The following MGST1 variants were observed in gnomAD, a reference collection of about 807,000 sequenced individuals.
MGST1 encodes the protein glutathione S-transferase 12.
A neutral mutation model predicts 8.9 loss-of-function variants in MGST1; 5 were observed. That is an observed-to-expected ratio of 0.56 (90% CI 0.29 to 1.19). MGST1 has a LOEUF of 1.19. Among genes scored for constraint, MGST1 ranks in the 50% most tolerant of loss-of-function variants. The pLI, the probability that MGST1 is intolerant of heterozygous loss-of-function variation, is 0.08. For synonymous variants in MGST1, 54 were observed against 67.8 expected, an observed-to-expected ratio of 0.80 and a Z score of 1.00; for missense variants, 182 against 187.4, an observed-to-expected ratio of 0.97 and a Z score of 0.17.
chr12:16,425,342 G>A (rs926678289), intron 1 of MGST1, among the ~76,000 whole-genome samples: 9 of 152,182 alleles, frequency 5.9e-5, no homozygotes, highest in Admixed American at 2.0e-4. Flanking sequence ...GAGTGCAATG[G>A]CATGATCTCG....
downstream of MGST1, among the ~76,000 whole-genome samples, chr12:16,368,462 G>A (rs145155870): frequency 1.4e-4 from 22 of 152,234 alleles, no homozygotes; most frequent in East Asian, 3.3e-3. Flanking sequence ...TCATCTCCCC[G>A]CTGCCAGCCT....
rs565193787 is a variant in MGST1 at position 16,401,885 on chromosome 12, C to T, written n.778+18281C>T. 1.9e-6 allele frequency: 3 copies of T among 1,602,162 alleles called. No homozygotes were observed. The African/African-American group carries it at 4.0e-5, about 21-fold the overall frequency. ...CAGCTGCTTTCTTCATTAATTTGAG[C>T]TCCCCATCCTCCCTTACAGCGACTG... On this transcript the variant is annotated intron_variant and non_coding_transcript_variant, in intron 1 of 1. Coordinates refer to the MGST1 transcript ENST00000359720. The surrounding 1 kb of genome is among the most constrained non-coding windows in gnomAD (Gnocchi z 4.3).
rs1284983023 is a variant in MGST1 at position 16,497,223 on chromosome 12, A to G, written n.483-92305A>G. ...GTCTTGAAATCAGATCCCACTGTTC[A>G]CACGCTTTTCCTTTGTTTAACCAAA... is the stretch of plus-strand genomic sequence containing the variant. On this transcript the variant is annotated intron_variant and non_coding_transcript_variant, in intron 4 of 4. Coordinates refer to the MGST1 transcript ENST00000538857. This position sits in a 1 kb window ranked among gnomAD's most constrained non-coding sequence, Gnocchi z 4.4. Among the ~76,000 whole-genome samples the G allele has an allele frequency of 6.6e-6, 1 of 152,166 alleles. No homozygotes were observed. The highest frequency in any genetic ancestry group is 2.4e-5 in the African/African-American group (1 of 41,450).
chr12:16,418,891 T>C (rs1940808615), intron 1 of MGST1, among the ~76,000 whole-genome samples: 1 of 152,104 alleles, frequency 6.6e-6, no homozygotes, highest in Admixed American at 6.6e-5. Context: ...ATTTCAAGGA[T>C]CAGTAAAAAA....
At chr12:16,391,968 C>A (rs2137053022) in intron 1 of MGST1, among the ~76,000 whole-genome samples, 1 of 152,272 alleles carries the variant, frequency 6.6e-6, no homozygotes, top group Non-Finnish European at 1.5e-5. Context: ...ATATGGATAG[C>A]CAGTTATCTT....
At chr12:16,442,866 A>G (rs1236115935), downstream of MGST1, among the ~76,000 whole-genome samples, 1 of 151,770 alleles carries the variant, frequency 6.6e-6, no homozygotes, top group Admixed American at 6.6e-5. This position sits in a 1 kb window ranked among gnomAD's most constrained non-coding sequence, Gnocchi z 4.5. Context: ...TGTTTTATAT[A>G]CATCAATTAA....
downstream of MGST1, among the ~76,000 whole-genome samples, chr12:16,439,587 C>T (rs1455980310): frequency 6.6e-6 from 1 of 151,788 alleles, no homozygotes; most frequent in East Asian, 1.9e-4. Flanking sequence ...ACTCCTGTCA[C>T]TTATAGTGGC....
intron 4 of MGST1, among the ~76,000 whole-genome samples, chr12:16,542,680 T>A (rs1941799774): frequency 6.6e-6 from 1 of 152,182 alleles, no homozygotes; most frequent in South Asian, 2.1e-4. Context: ...GATGCTTAAC[T>A]CTTTCTTTGG....
intron 1 of MGST1, among the ~76,000 whole-genome samples, chr12:16,404,226 T>A (rs968436534): frequency 6.6e-6 from 1 of 152,222 alleles, no homozygotes; most frequent in Admixed American, 6.5e-5. Flanking sequence ...AGCTTTATAG[T>A]CTATCTTGTA....
intron 4 of MGST1, among the ~76,000 whole-genome samples, chr12:16,588,822 A>G (rs976205797): frequency 6.6e-6 from 1 of 151,962 alleles, no homozygotes; most frequent in African/African-American, 2.4e-5. Context: ...CCTCTTCTTC[A>G]ATCTTCTCCT....
chr12:16,560,571 ACT>A lies in MGST1; in HGVS notation n.483-28954_483-28953del. The A allele has an allele frequency of 1.3e-6, 2 of 1,586,106 alleles. No homozygotes were observed. Among genetic ancestry groups the A allele is most frequent in the East Asian group, 2.2e-5 (1 of 44,552 alleles). ...AAGAAACATTTTTTTTTTTTTACAA[ACT>A]CTTACAGAGAAATCTGAGATCGTGA... On this transcript the variant is annotated intron_variant and non_coding_transcript_variant, in intron 4 of 4. Coordinates refer to the MGST1 transcript ENST00000538857. This position sits in a 1 kb window ranked among gnomAD's most constrained non-coding sequence, Gnocchi z 5.0.
At chr12:16,478,299 A>T (rs1037114171) in intron 4 of MGST1, among the ~76,000 whole-genome samples, 6 of 152,150 alleles carry the variant, frequency 3.9e-5, no homozygotes, top group Non-Finnish European at 7.3e-5. Flanking sequence ...AAGTGTTGGG[A>T]TTACAGGCGT....
rs1942313839 is a variant in MGST1, at chr12:16,559,563, A to AATTG, written n.483-29964_483-29961dup. On this transcript the variant is annotated intron_variant and non_coding_transcript_variant, in intron 4 of 4. Transcript: ENST00000538857. The surrounding 1 kb of genome is among the most constrained non-coding windows in gnomAD (Gnocchi z 4.1). The stretch of plus-strand genomic sequence containing the variant: ...TCAAATGCTCCTCTCCAATGATAAT[A>AATTG]ATTGTTTAATTATTAGCTATATCTG... Among the ~76,000 whole-genome samples, 1 of 152,180 alleles carries AATTG rather than the reference A, an allele frequency of 6.6e-6. No individual in the cohort carries two copies. The highest frequency in any genetic ancestry group is 1.5e-5 in the Non-Finnish European group (1 of 68,034).
chr12:16,559,375 T>G lies in MGST1; in HGVS notation n.483-30153T>G, dbSNP rs1172198662. Among the ~76,000 whole-genome samples, 2 of 152,196 alleles carry G rather than the reference T, an allele frequency of 1.3e-5. No individual in the cohort carries two copies. Among genetic ancestry groups the G allele is most frequent in the Non-Finnish European group, 1.5e-5 (1 of 68,032 alleles). On this transcript the variant is annotated intron_variant and non_coding_transcript_variant, in intron 4 of 4. Transcript: ENST00000538857. This position sits in a 1 kb window ranked among gnomAD's most constrained non-coding sequence, Gnocchi z 4.1. Reference sequence around the variant, plus strand: ...GAATTAAGTGATAATACTTTTCAGCTGAAAGAATTCTCTGAGATGAACTAA... The same window carrying G: ...GAATTAAGTGATAATACTTTTCAGCGGAAAGAATTCTCTGAGATGAACTAA...
chr12:16,537,485 T>G lies in MGST1; in HGVS notation n.483-52043T>G, dbSNP rs1369570393. On this transcript the variant is annotated intron_variant and non_coding_transcript_variant, in intron 4 of 4. Coordinates refer to the MGST1 transcript ENST00000538857. This position sits in a 1 kb window ranked among gnomAD's most constrained non-coding sequence, Gnocchi z 4.6. Reference sequence around the variant, plus strand: ...CTAGGAGGTGCCCCAGTATGGACTCTGTGTGGGGGCACCAACCCCACATTT... The same window carrying G: ...CTAGGAGGTGCCCCAGTATGGACTCGGTGTGGGGGCACCAACCCCACATTT... Among the ~76,000 whole-genome samples the G allele has an allele frequency of 6.6e-6, 1 of 152,222 alleles. No homozygotes were observed. Among genetic ancestry groups the G allele is most frequent in the Non-Finnish European group, 1.5e-5 (1 of 68,036 alleles).
At chr12:16,472,433 G>GT (rs766108157) in intron 4 of MGST1, among the ~76,000 whole-genome samples, 5,717 of 129,684 alleles carry the variant, frequency 0.044, 109 homozygotes, top group Middle Eastern at 0.082. Flanking sequence ...CCTTCCTTCT[G>GT]TTTTTTTTTT....
chr12:16,372,299 C>A (rs1940306804), intron 3 of MGST1, among the ~76,000 whole-genome samples: 1 of 151,934 alleles, frequency 6.6e-6, no homozygotes, highest in Non-Finnish European at 1.5e-5. Flanking sequence ...AGATTAATAA[C>A]AAGAACATAT....
chr12:16,556,393 C>T (rs976637676), intron 4 of MGST1, among the ~76,000 whole-genome samples: 7 of 152,082 alleles, frequency 4.6e-5, no homozygotes, highest in African/African-American at 7.3e-5. Flanking sequence ...TAGCTATACG[C>T]CTCTAAAAGG....
Position 16,362,141 on chromosome 12 carries a change from G to A in MGST1, c.222-1654G>A, listed in dbSNP as rs1470271289. ...TGACGATATCTCTGTGATGCTGGGGGAGAAATCACAGGGGCAAAACAAATA... is the reference window on the plus strand; with the variant it reads ...TGACGATATCTCTGTGATGCTGGGGAAGAAATCACAGGGGCAAAACAAATA... On this transcript the variant is annotated intron_variant, in intron 3 of 3. Coordinates refer to ENST00000396210, the MANE Select transcript of MGST1 (RefSeq NM_020300.5). This position sits in a 1 kb window ranked among gnomAD's most constrained non-coding sequence, Gnocchi z 4.4. Among the ~76,000 whole-genome samples, 1 of 152,154 alleles carries A rather than the reference G, an allele frequency of 6.6e-6. No homozygotes were observed. Among genetic ancestry groups the A allele is most frequent in the South Asian group, 2.1e-4 (1 of 4,824 alleles).
Sources: gnomAD v4.1 joint callset for allele counts (sites outside exome capture counted in the v4.1 genomes callset) on GRCh38, gnomAD v4.1.1 for gene constraint, Gnocchi (gnomAD v3.1) non-coding constraint, MANE v1.5 for transcripts, NCBI Gene and HGNC (gene_info 2026-07-23, HGNC 2026-07-21) for gene names.